Variants in MKRN2OS observed in about 807,000 individuals in gnomAD.
MKRN2OS encodes MKRN2 opposite strand.
MKRN2OS carries 17 observed loss-of-function variants against 18.2 expected under a neutral mutation model. That is an observed-to-expected ratio of 0.93 (90% confidence interval 0.64 to 1.40). MKRN2OS has a LOEUF of 1.40. Among genes scored for constraint, MKRN2OS ranks in the 40% most tolerant of loss-of-function variants. The probability of loss-of-function intolerance (pLI) is 0.00; values close to 1 mark genes in which losing one functional copy is unlikely to be tolerated. For synonymous variants in MKRN2OS, 121 were observed against 108.5 expected, an observed-to-expected ratio of 1.12 and a Z score of -0.72; for missense variants, 337 against 283.0, an observed-to-expected ratio of 1.19 and a Z score of -1.37.
In MKRN2OS at chr3:12,542,444, G is replaced by A. The variant is rs866998882; in HGVS notation, c.269-422C>T. Among the ~76,000 whole-genome samples the A allele has an allele frequency of 2.6e-5, 4 of 152,208 alleles. No individual in the cohort carries two copies. In the South Asian group the frequency reaches 8.3e-4, roughly 32 times the overall value. On this transcript the variant is annotated intron_variant, in intron 2 of 3. Transcript: ENST00000564146. ...AGTGGTAAGTATGACTGTTCTTGTG[G>A]GTAACTAAGTCCAGAACTGTTCTGG...
rs1296283343 is a variant in MKRN2OS, at chr3:12,539,804, A to G, written c.*389T>C. 6.6e-6 allele frequency among the ~76,000 whole-genome samples: 1 copy of G among 151,834 alleles called. No individual in the cohort carries two copies. The highest frequency in any genetic ancestry group is 2.0e-4 in the East Asian group (1 of 5,126). ...TTATTTTTTATTTTTTATTTTTTTG[A>G]GATGGAGTTTCACTCTTGTTGCCCA... On this transcript the variant is annotated 3_prime_UTR_variant, in exon 4 of 4. Transcript: ENST00000564146.
chr3:12,555,542 A>G (rs1016455762), intron 1 of MKRN2OS, among the ~76,000 whole-genome samples: 4 of 152,218 alleles, frequency 2.6e-5, no homozygotes, highest in African/African-American at 9.7e-5. Context: ...ATACAGCTAT[A>G]CATACATAAC....
chr3:12,554,723 T>A (rs992314634), intron 1 of MKRN2OS, among the ~76,000 whole-genome samples: 6 of 152,148 alleles, frequency 3.9e-5, no homozygotes, highest in African/African-American at 1.4e-4. Flanking sequence ...ACTGATTATG[T>A]ACGCTGTGCA....
upstream of MKRN2OS, among the ~76,000 whole-genome samples, chr3:12,547,808 T>G (rs184070987): frequency 2.6e-5 from 4 of 152,296 alleles, no homozygotes; most frequent in East Asian, 7.7e-4. Flanking sequence ...TTTCACAATG[T>G]ACATTTAAAT....
At chr3:12,557,014 C>A in intron 1 of MKRN2OS, 1 of 989,466 alleles carries the variant, frequency 1.0e-6, no homozygotes, top group Non-Finnish European at 1.3e-6. Context: ...ACAAAGGTGC[C>A]ACACCGGAGG....
chr3:12,557,058 GGC>G, intron 1 of MKRN2OS: 1 of 1,268,256 alleles, frequency 7.9e-7, no homozygotes, highest in Non-Finnish European at 1.0e-6. Flanking sequence ...GGCGTGACGC[GGC>G]TACGCGGGAT....
chr3:12,548,423 G>A (rs1178425001), upstream of MKRN2OS, among the ~76,000 whole-genome samples: 2 of 146,264 alleles, frequency 1.4e-5, no homozygotes, highest in Non-Finnish European at 3.0e-5. Context: ...ACTCCAGCCT[G>A]GGCGACAGAG....
In MKRN2OS at chr3:12,542,041, G is replaced by A; in HGVS notation, c.269-19C>T. 1 of 1,526,470 alleles carries A rather than the reference G, an allele frequency of 6.6e-7. No homozygotes were observed. The allele number at this position is 1,526,470 out of a possible 1,614,324, so 94.6% of individuals were successfully genotyped here. On this transcript the variant is annotated intron_variant, in intron 2 of 3. Coordinates refer to ENST00000564146, the MANE Select transcript of MKRN2OS (RefSeq NM_001195279.2). ...ACAACCCCTGCAAATCAAAACCAAA[G>A]TCATGTGGAGCCCCAAGGAAACACA...
downstream of MKRN2OS, among the ~76,000 whole-genome samples, chr3:12,550,777 C>T (rs1051445705): frequency 2.0e-5 from 3 of 152,194 alleles, no homozygotes; most frequent in Admixed American, 6.5e-5. Context: ...TACGGATTCA[C>T]TGCCGGTAAC....
At chr3:12,546,858 G>A (rs938655671), upstream of MKRN2OS, among the ~76,000 whole-genome samples, 6 of 152,160 alleles carry the variant, frequency 3.9e-5, no homozygotes, top group East Asian at 1.9e-4. Context: ...GATTACAGGC[G>A]TGAGCCACCG....
downstream of MKRN2OS, among the ~76,000 whole-genome samples, chr3:12,553,302 T>C (rs1172611834): frequency 6.6e-6 from 1 of 152,088 alleles, no homozygotes; most frequent in Non-Finnish European, 1.5e-5. Context: ...AGATGATTTA[T>C]AGAAAATATA....
chr3:12,545,147 C>T (rs1016935915), intron 1 of MKRN2OS, 100 bp downstream of exon 1: 3 of 987,732 alleles, frequency 3.0e-6, no homozygotes, highest in African/African-American at 3.3e-5. Context: ...AATTGTCCAC[C>T]AAACCTCACA....
At chr3:12,544,667 G>A (rs1273485143) in intron 1 of MKRN2OS, among the ~76,000 whole-genome samples, 2 of 139,154 alleles carry the variant, frequency 1.4e-5, no homozygotes, top group South Asian at 2.1e-4. Context: ...CAACAAGAGC[G>A]AAACTCTGTC....
intron 2 of MKRN2OS, among the ~76,000 whole-genome samples, chr3:12,542,953 C>T (rs909568663): frequency 6.6e-6 from 1 of 152,182 alleles, no homozygotes; most frequent in African/African-American, 2.4e-5. Flanking sequence ...TGAGGCTCCT[C>T]ACTGAGAAAA....
upstream of MKRN2OS, among the ~76,000 whole-genome samples, chr3:12,546,902 A>G (rs1244754336): frequency 6.6e-6 from 1 of 152,166 alleles, no homozygotes; most frequent in Non-Finnish European, 1.5e-5. Context: ...TGATACAGGC[A>G]TACAATGTGC....
At chr3:12,542,082 G>A (rs964662341) in intron 2 of MKRN2OS, 60 bp from the exon 3 acceptor site, 4 of 1,470,138 alleles carry the variant, frequency 2.7e-6, no homozygotes, top group African/African-American at 2.8e-5. Flanking sequence ...CTGTGAAAAA[G>A]AGACATCAGA....
At chr3:12,540,460 G>A (rs1196815847) in intron 3 of MKRN2OS, 27 bp from the exon 4 acceptor site, 3 of 1,535,810 alleles carry the variant, frequency 2.0e-6, no homozygotes, top group Non-Finnish European at 2.6e-6. Context: ...AGGGTGTTGA[G>A]AAGAAAAGGC....
upstream of MKRN2OS, among the ~76,000 whole-genome samples, chr3:12,548,486 G>A (rs1437265696): frequency 2.0e-5 from 2 of 98,080 alleles, no homozygotes; most frequent in East Asian, 6.9e-4. Flanking sequence ...AAAAAAACCA[G>A]CCGAGCGTGG....
chr3:12,560,684 A>C (rs1337552760), intron 1 of MKRN2OS: 1 of 152,188 alleles, frequency 6.6e-6, no homozygotes, highest in Non-Finnish European at 1.5e-5. Context: ...TATAATAGCC[A>C]TACTGTCTGA....
Sources: gnomAD v4.1 joint callset for allele counts (sites outside exome capture counted in the v4.1 genomes callset) on GRCh38, gnomAD v4.1.1 for gene constraint, MANE v1.5 for transcripts, NCBI Gene and HGNC (gene_info 2026-07-23, HGNC 2026-07-21) for gene names.